The following EIF4A1 variants were observed in gnomAD, a reference collection of about 807,000 sequenced individuals.
The protein encoded by EIF4A1 is eukaryotic translation initiation factor 4A1.
In EIF4A1, 11 loss-of-function variants were observed where a neutral mutation model predicts 53.5. The observed-to-expected ratio is 0.21, with a 90% CI of 0.13 to 0.34. The LOEUF is 0.34. Among genes scored for constraint, EIF4A1 ranks in the 10% least tolerant of loss-of-function variants. The pLI is 1.00. For synonymous variants in EIF4A1, 237 were observed against 186.7 expected, an observed-to-expected ratio of 1.27 and a Z score of -2.20; for missense variants, 213 against 530.8, an observed-to-expected ratio of 0.40 and a Z score of 5.88.
Position 7,577,210 on chromosome 17 carries a change from G to A in EIF4A1, c.624+45G>A, listed in dbSNP as rs781272890. On this transcript the variant is annotated intron_variant, in intron 6 of 10. Coordinates refer to ENST00000293831, the MANE Select transcript of EIF4A1 (RefSeq NM_001416.4). This position sits in a 1 kb window ranked among gnomAD's most constrained non-coding sequence, Gnocchi z 4.7. Reference sequence around the variant, plus strand: ...AATAGCTAATGATTCTTGAAAAATAGTAAGTGCCAGGGGAACCATATACTG... The same window carrying A: ...AATAGCTAATGATTCTTGAAAAATAATAAGTGCCAGGGGAACCATATACTG... 12 of 1,566,624 alleles carry A rather than the reference G, an allele frequency of 7.7e-6. No homozygotes were observed. The highest frequency in any genetic ancestry group is 8.6e-6 in the Non-Finnish European group (10 of 1,160,458).
intron 3 of EIF4A1, 114 bp from the exon 4 acceptor site, chr17:7,575,005 G>A: frequency 7.1e-7 from 1 of 1,416,116 alleles, no homozygotes; most frequent in East Asian, 2.3e-5. Flanking sequence ...AAGGTAGTTT[G>A]TGAGCCATGA....
At chr17:7,573,399 G>A (rs2071352706) in intron 1 of EIF4A1, 1 of 169,120 alleles carries the variant, frequency 5.9e-6, no homozygotes, top group Admixed American at 6.1e-5. Context: ...TTGACGGCCA[G>A]GACTGAGCCT....
In EIF4A1 at chr17:7,578,713, A is replaced by AC. The variant is rs1198093282; in HGVS notation, c.*227_*228insC. ...CGGCTCTTCTCCCAAAAAAAAAAAA[A>AC]AAACACTAATCCATTTCCCTAACCT... On this transcript the variant is annotated 3_prime_UTR_variant, in exon 11 of 11. Transcript: ENST00000293831. 2.1e-4 allele frequency: 85 copies of AC among 408,730 alleles called. No homozygotes were observed. Among genetic ancestry groups the AC allele is most frequent in the African/African-American group, 1.5e-3 (73 of 48,430 alleles). The allele number at this position is 408,730 out of a possible 1,614,324, so 25.3% of individuals were successfully genotyped here. A position where few individuals can be genotyped will look rare whatever the true frequency, so the allele number is the denominator to read the frequency against.
chr17:7,574,010 C>T, intron 1 of EIF4A1: 1 of 516,806 alleles, frequency 1.9e-6, no homozygotes. Flanking sequence ...GGCACGCCTG[C>T]CGGCCTGTCT....
In EIF4A1 at chr17:7,577,806, C is replaced by T. The variant is rs766451317; in HGVS notation, c.907-21C>T. The T allele has an allele frequency of 1.9e-6, 3 of 1,614,136 alleles. No individual in the cohort carries two copies. Among genetic ancestry groups the T allele is most frequent in the Admixed American group, 3.3e-5 (2 of 60,010 alleles). ...ACCCAGGTGCCTACCTGGTCTGCTGCATATTTGTTTTCTCTTCCAGCATGG... is the reference window on the plus strand; with the variant it reads ...ACCCAGGTGCCTACCTGGTCTGCTGTATATTTGTTTTCTCTTCCAGCATGG... On this transcript the variant is annotated intron_variant, in intron 8 of 10. Transcript: ENST00000293831. The surrounding 1 kb of genome is among the most constrained non-coding windows in gnomAD (Gnocchi z 4.7).
chr17:7,573,220 G>A (rs1473525144), intron 1 of EIF4A1: 12 of 440,132 alleles, frequency 2.7e-5, no homozygotes, highest in Non-Finnish European at 4.5e-5. Context: ...GAGCCGGCAG[G>A]TCCGGTTGCC....
chr17:7,572,978 TGG>T, intron 1 of EIF4A1, 114 bp downstream of exon 1: 1 of 1,580,348 alleles, frequency 6.3e-7, no homozygotes, highest in Non-Finnish European at 8.7e-7. Context: ...CCGAACCGGG[TGG>T]GGGGAGGGTC....
Position 7,577,703 on chromosome 17 carries a change from C to T in EIF4A1, c.903C>T (p.Ala301=). 1 of 1,613,472 alleles carries T rather than the reference C, an allele frequency of 6.2e-7. No individual in the cohort carries two copies. The highest frequency in any genetic ancestry group is 8.5e-7 in the Non-Finnish European group (1 of 1,179,962). ...KMHARDFTVS[A]MHGDMDQKER... ...ATGCTCGAGATTTCACTGTATCCGC[C>T]ATGGTGTGTTTGCCCGCTGCCAGCC... Residue 301 remains alanine (A), a synonymous_variant, in exon 8 of 11, where the codon GCC becomes GCT. Transcript: ENST00000293831. The surrounding 1 kb of genome is among the most constrained non-coding windows in gnomAD (Gnocchi z 4.7).
Position 7,577,006 on chromosome 17 carries a change from C to T in EIF4A1, c.515-50C>T, listed in dbSNP as rs775553075. On this transcript the variant is annotated intron_variant, in intron 5 of 10. Coordinates refer to ENST00000293831, the MANE Select transcript of EIF4A1 (RefSeq NM_001416.4). The surrounding 1 kb of genome is among the most constrained non-coding windows in gnomAD (Gnocchi z 4.7). ...TCAGCGAAGTTGGATATATCTCTCC[C>T]ACATTTCCCTAATCATATGCTATAT... 4.4e-6 allele frequency: 7 copies of T among 1,599,916 alleles called. No homozygotes were observed. The African/African-American group carries it at 6.7e-5, about 15-fold the overall frequency.
intron 3 of EIF4A1, chr17:7,574,882 A>G (rs771793121): frequency 3.7e-5 from 39 of 1,062,652 alleles, no homozygotes; most frequent in Non-Finnish European, 5.1e-5. Context: ...TAGCCAGCTT[A>G]TATTTGCATC....
intron 4 of EIF4A1, chr17:7,575,798 T>G: frequency 4.5e-6 from 1 of 221,086 alleles, no homozygotes; most frequent in African/African-American, 2.3e-5. Context: ...CTCTCAGTTT[T>G]CTCAGAGTGA....
In EIF4A1 at chr17:7,578,076, T is replaced by C. The variant is rs774146745; in HGVS notation, c.997-89T>C. ...GGGATGCTTATTTCCTCTGCCTTCC[T>C]TGGCTGCCCACATGGATGCCTAAGT... On this transcript the variant is annotated intron_variant, in intron 9 of 10. Transcript: ENST00000293831. 9.4e-6 allele frequency: 15 copies of C among 1,594,902 alleles called. No individual in the cohort carries two copies. The African/African-American group carries it at 1.6e-4, about 17-fold the overall frequency.
chr17:7,574,014 C>G (rs2150924334), intron 1 of EIF4A1: 1 of 524,926 alleles, frequency 1.9e-6, no homozygotes, highest in East Asian at 3.2e-5. Context: ...CGCCTGCCGG[C>G]CTGTCTTCAG....
rs1170104791 is a variant in EIF4A1, at chr17:7,576,250, T to C, written c.346-274T>C. ...CAGAAGGTTAAGGGTTCTAAATATC[T>C]AGAGTAAAGAAACTGAATTAATTAT... On this transcript the variant is annotated intron_variant, in intron 4 of 10. Coordinates refer to ENST00000293831, the MANE Select transcript of EIF4A1 (RefSeq NM_001416.4). 19 of 332,468 alleles carry C rather than the reference T, an allele frequency of 5.7e-5. No homozygotes were observed. In the Admixed American group the frequency reaches 8.3e-4, roughly 14 times the overall value. The allele number at this position is 332,468 out of a possible 1,614,324, so 20.6% of individuals were successfully genotyped here.
At chr17:7,575,489 G>A in intron 4 of EIF4A1, 1 of 682,294 alleles carries the variant, frequency 1.5e-6, no homozygotes, top group Non-Finnish European at 2.5e-6. Context: ...AGCCTGGCTG[G>A]CTGGGCAAGT....
intron 1 of EIF4A1, 126 bp from the exon 2 acceptor site, chr17:7,574,134 G>T: frequency 1.9e-6 from 2 of 1,067,708 alleles, no homozygotes; most frequent in Non-Finnish European, 1.4e-6. Flanking sequence ...TTGGGAGCTG[G>T]TGGGAGTTGG....
At chr17:7,576,982 C>T in intron 5 of EIF4A1, 74 bp from the exon 6 acceptor site, 2 of 1,556,200 alleles carry the variant, frequency 1.3e-6, no homozygotes, top group Non-Finnish European at 1.8e-6. Context: ...TGTTTTTTAT[C>T]AGCGAAGTTG....
At chr17:7,575,475 G>C in intron 4 of EIF4A1, 1 of 755,670 alleles carries the variant, frequency 1.3e-6, no homozygotes, top group Non-Finnish European at 2.2e-6. Flanking sequence ...AAGCTGTTGG[G>C]TGAAGCCTGG....
chr17:7,574,767 C>T (rs1353295756), intron 3 of EIF4A1, 89 bp downstream of exon 3: 3 of 1,593,186 alleles, frequency 1.9e-6, no homozygotes, highest in South Asian at 2.2e-5. Flanking sequence ...CTCATATCAG[C>T]CAGGGACAAA....
Sources: gnomAD v4.1 joint callset for allele counts on GRCh38, gnomAD v4.1.1 for gene constraint, Gnocchi (gnomAD v3.1) non-coding constraint, MANE v1.5 for transcripts, NCBI Gene and HGNC (gene_info 2026-07-23, HGNC 2026-07-21) for gene names.